Variants in ROBO2 observed in about 807,000 individuals in gnomAD.
The protein encoded by ROBO2 is roundabout guidance receptor 2.
In ROBO2, 53 loss-of-function variants were observed where a neutral mutation model predicts 160.8. The ratio of observed to expected loss-of-function variants is 0.33; its 90% CI spans 0.26 to 0.41. The LOEUF is 0.41. Ranked by LOEUF, ROBO2 falls within the 10% of genes least tolerant of loss-of-function variation. The pLI, the probability that ROBO2 is intolerant of heterozygous loss-of-function variation, is 1.00. For missense variants in ROBO2, 1,577 were observed against 1,722.4 expected (o/e 0.92, Z 1.49); for synonymous variants, 664 against 611.7 (o/e 1.09, Z -1.26).
chr3:75,908,929 T>TAGTGTTTTAACTC (rs1946455393), intron 1 of ROBO2, among the ~76,000 whole-genome samples: 2 of 152,350 alleles, frequency 1.3e-5, no homozygotes, highest in South Asian at 4.1e-4. Flanking sequence ...TTAAACCACT[T>TAGTGTTTTAACTC]AGTGTGAACT....
chr3:76,546,689 C>A (rs1578055131), intron 2 of ROBO2, among the ~76,000 whole-genome samples: 1 of 151,868 alleles, frequency 6.6e-6, no homozygotes, highest in Non-Finnish European at 1.5e-5. Flanking sequence ...ATTACAGTAG[C>A]CATAGGAAAT....
At chr3:76,381,548 A>C (rs566931860) in intron 2 of ROBO2, among the ~76,000 whole-genome samples, 37 of 152,096 alleles carry the variant, frequency 2.4e-4, no homozygotes, top group African/African-American at 8.9e-4. Context: ...ATGGGGTTTC[A>C]CCATGTTAGC....
intron 23 of ROBO2, chr3:77,630,553 G>A (rs77938303): frequency 0.13 from 19,378 of 151,518 alleles, 1,325 homozygotes; most frequent in Admixed American, 0.17. Context: ...AAATTTGGGT[G>A]GGGATGCAGA....
chr3:76,128,772 A>T (rs371908521), intron 2 of ROBO2, among the ~76,000 whole-genome samples: 86 of 152,202 alleles, frequency 5.7e-4, no homozygotes, highest in African/African-American at 2.0e-3. Context: ...CTTTTTTCTT[A>T]TACTGTATTT....
intron 2 of ROBO2, among the ~76,000 whole-genome samples, chr3:76,225,649 G>A (rs1285350426): frequency 3.3e-5 from 5 of 152,050 alleles, no homozygotes; most frequent in African/African-American, 1.2e-4. Flanking sequence ...GGGAGGTGGA[G>A]GTTGCAGTAA....
intron 2 of ROBO2, among the ~76,000 whole-genome samples, chr3:76,924,759 G>T (rs1193525059): frequency 6.6e-6 from 1 of 152,168 alleles, no homozygotes; most frequent in Non-Finnish European, 1.5e-5. Context: ...TGGAATTCCA[G>T]CTTCACTACC....
At chr3:77,620,733 C>G (rs1328060954) in intron 22 of ROBO2, among the ~76,000 whole-genome samples, 1 of 152,046 alleles carries the variant, frequency 6.6e-6, no homozygotes, top group Non-Finnish European at 1.5e-5. Context: ...GTTCAAGAAG[C>G]CAGTTGGGAG....
At chr3:76,360,815 T>C (rs1197217987) in intron 2 of ROBO2, among the ~76,000 whole-genome samples, 1 of 152,032 alleles carries the variant, frequency 6.6e-6, no homozygotes, top group Non-Finnish European at 1.5e-5. Flanking sequence ...CTCTCCCCTT[T>C]CTCCTGTGTG....
At chr3:76,195,800 C>A (rs1416995141) in intron 2 of ROBO2, among the ~76,000 whole-genome samples, 4 of 152,134 alleles carry the variant, frequency 2.6e-5, no homozygotes, top group Admixed American at 1.3e-4. Context: ...GATAATTATT[C>A]TTAGGCAAAG....
chr3:75,907,846 C>CGTGTGT (rs965186024), intron 1 of ROBO2, among the ~76,000 whole-genome samples: 10 of 77,798 alleles, frequency 1.3e-4, no homozygotes, highest in Admixed American at 1.2e-3. Flanking sequence ...TTTTTTTAAT[C>CGTGTGT]GTGTGCGTGT....
intron 2 of ROBO2, among the ~76,000 whole-genome samples, chr3:77,127,241 T>C (rs961130518): frequency 5.3e-5 from 8 of 152,174 alleles, no homozygotes; most frequent in Admixed American, 5.2e-4. Context: ...AATGTGACAG[T>C]CCGGTGCTAT....
At chr3:76,696,786 G>A (rs890869630) in intron 2 of ROBO2, among the ~76,000 whole-genome samples, 5 of 152,096 alleles carry the variant, frequency 3.3e-5, no homozygotes, top group African/African-American at 1.2e-4. Context: ...ATAGCTTGCC[G>A]ATTTCCACTT....
rs945330410 is a variant in ROBO2, at chr3:76,680,119, G to A, written c.110-417895G>A. Among the ~76,000 whole-genome samples the A allele has an allele frequency of 4.6e-5, 7 of 152,058 alleles. No homozygotes were observed. The East Asian group carries it at 1.2e-3, about 25-fold the overall frequency. ...AAATTCACAAAGAAATCTAACTTTG[G>A]CACCTAAAACCTCAAATTCTTTACG... On this transcript the variant is annotated intron_variant, in intron 2 of 26. Transcript: ENST00000487694.
At chr3:76,318,593 G>T (rs1357122915) in intron 2 of ROBO2, among the ~76,000 whole-genome samples, 1 of 152,090 alleles carries the variant, frequency 6.6e-6, no homozygotes, top group Non-Finnish European at 1.5e-5. Context: ...GGATATATTA[G>T]TGTTGGGGTT....
rs3832237 is a variant in ROBO2, at chr3:77,564,836, TTGTGTG to T, written c.1683-102_1683-97del. 2.2e-5 allele frequency: 17 copies of T among 786,140 alleles called. No individual in the cohort carries two copies. In the East Asian group the frequency reaches 3.9e-4, roughly 18 times the overall value. 48.7% of individuals were successfully genotyped at this position (786,140 alleles called of 1,614,324 possible). On this transcript the variant is annotated intron_variant, in intron 11 of 25. Coordinates refer to ENST00000461745, the Ensembl canonical transcript of ROBO2. The stretch of plus-strand genomic sequence containing the variant: ...TTTATTGGGCTGAATACTTCAAGTG[TTGTGTG>T]TGTGTGTGTGTGTGTTTAATTTCCA...
At chr3:76,599,239 A>G (rs1219449960) in intron 2 of ROBO2, among the ~76,000 whole-genome samples, 1 of 152,056 alleles carries the variant, frequency 6.6e-6, no homozygotes, top group Admixed American at 6.6e-5. Context: ...CTCCCTGTTA[A>G]GTAGGCCCCA....
intron 2 of ROBO2, among the ~76,000 whole-genome samples, chr3:76,821,140 T>C (rs941029150): frequency 1.3e-5 from 2 of 151,958 alleles, no homozygotes; most frequent in Admixed American, 1.3e-4. Flanking sequence ...ATCGAAAAAA[T>C]AAACACTACC....
chr3:77,050,093 G>A (rs189083729), intron 1 of ROBO2, among the ~76,000 whole-genome samples: 16 of 152,198 alleles, frequency 1.1e-4, no homozygotes, highest in African/African-American at 3.4e-4. Flanking sequence ...AGATATATCC[G>A]ATTATTATAA....
chr3:77,253,847 G>C (rs1226488425), intron 2 of ROBO2, among the ~76,000 whole-genome samples: 1 of 151,978 alleles, frequency 6.6e-6, no homozygotes, highest in Non-Finnish European at 1.5e-5. Flanking sequence ...CTAGAATTAT[G>C]AATATAAACT....
Sources: gnomAD v4.1 joint callset for allele counts (sites outside exome capture counted in the v4.1 genomes callset) on GRCh38, gnomAD v4.1.1 for gene constraint, MANE v1.5 for transcripts, NCBI Gene and HGNC (gene_info 2026-07-23, HGNC 2026-07-21) for gene names.